The following NCSTN variants were observed in gnomAD, a reference collection of about 807,000 sequenced individuals.
The protein encoded by NCSTN is anterior pharynx-defective 2.
Under a neutral mutation model 87.0 loss-of-function variants are expected in NCSTN, and 22 were observed. The observed-to-expected ratio is 0.25, with a 90% CI of 0.18 to 0.36. The LOEUF (loss-of-function observed/expected upper bound fraction) is 0.36. Among genes scored for constraint, NCSTN ranks in the 10% least tolerant of loss-of-function variants. The pLI is 1.00. For synonymous variants in NCSTN, 306 were observed against 327.1 expected (o/e 0.94, Z 0.69); for missense variants, 693 against 883.3 (o/e 0.78, Z 2.73).
At chr1:160,344,909 G>T in intron 2 of NCSTN, 83 bp downstream of exon 2, 1 of 1,162,892 alleles carries the variant, frequency 8.6e-7, no homozygotes. Context: ...TCCTGCTTAG[G>T]AGATTTGACA....
At position 160,349,128 on chromosome 1, in the gene NCSTN, A is replaced by G. The variant is rs1434731909; in HGVS notation, c.314+6A>G. ...GAGAGCAAGCATTTTACCAGGTAAG[A>G]ACTAGATGTATCTGCTGGGAAAACA... On this transcript the variant is annotated splice_donor_region_variant and intron_variant, in intron 3 of 16. Transcript: ENST00000294785. 2 of 1,614,032 alleles carry G rather than the reference A, an allele frequency of 1.2e-6. No homozygotes were observed. The highest frequency in any genetic ancestry group is 1.7e-6 in the Non-Finnish European group (2 of 1,179,990).
In NCSTN at chr1:160,349,401, C is replaced by T. The variant is rs116556010; in HGVS notation, c.315-148C>T. 3,425 of 1,157,500 alleles carry T rather than the reference C, an allele frequency of 3.0e-3. 17 individuals are homozygous for T. The highest frequency in any genetic ancestry group is 0.023 in the Middle Eastern group (116 of 5,070). 71.7% of individuals were successfully genotyped at this position (1,157,500 alleles called of 1,614,324 possible). A position where few individuals can be genotyped will look rare whatever the true frequency, so the allele number is the denominator to read the frequency against. ...TCTACTTTTTAGAGCAGATCATTGT[C>T]CAGACTCAGAATTTAGAGACTGAAA... On this transcript the variant is annotated intron_variant, in intron 3 of 16. Transcript: ENST00000294785.
chr1:160,349,441 C>G, intron 3 of NCSTN, 108 bp from the exon 4 acceptor site: 1 of 1,436,686 alleles, frequency 7.0e-7, no homozygotes, highest in Non-Finnish European at 9.8e-7. Flanking sequence ...AGAAATAAGT[C>G]AACAGTTTGA....
At chr1:160,356,073 A>C in intron 13 of NCSTN, 115 bp downstream of exon 13, 1 of 1,129,694 alleles carries the variant, frequency 8.9e-7, no homozygotes, top group South Asian at 1.3e-5. Flanking sequence ...TGCCGGTGAG[A>C]ATGCCTCATG....
intron 11 of NCSTN, among the ~76,000 whole-genome samples, chr1:160,354,522 C>T (rs1205010829): frequency 3.9e-5 from 6 of 152,138 alleles, no homozygotes; most frequent in Non-Finnish European, 8.8e-5. Flanking sequence ...TGTCAACAAT[C>T]CTTGGTTATG....
intron 9 of NCSTN, 31 bp from the exon 10 acceptor site, chr1:160,353,129 T>G: frequency 6.2e-7 from 1 of 1,609,882 alleles, no homozygotes; most frequent in Non-Finnish European, 8.5e-7. Context: ...GGAGACTGAT[T>G]CTAAGTGTTG....
Position 160,358,347 on chromosome 1 carries a change from A to C in NCSTN, c.*76A>C. On this transcript the variant is annotated 3_prime_UTR_variant, in exon 17 of 17. Coordinates refer to ENST00000294785, the MANE Select transcript of NCSTN (RefSeq NM_015331.3). The stretch of plus-strand genomic sequence containing the variant: ...CTGTCCCACTGGGACACAACCACTA[A>C]TTTGTCACTGGAACCTCCCTGGGCC... 1 of 1,595,252 alleles carries C rather than the reference A, an allele frequency of 6.3e-7. No individual in the cohort carries two copies. Among genetic ancestry groups the C allele is most frequent in the Non-Finnish European group, 8.6e-7 (1 of 1,166,662 alleles).
chr1:160,348,943 C>T, intron 2 of NCSTN, 56 bp from the exon 3 acceptor site: 1 of 1,612,690 alleles, frequency 6.2e-7, no homozygotes, highest in Non-Finnish European at 8.5e-7. Flanking sequence ...ATCAGTGAGG[C>T]AAAGTCAGAA....
chr1:160,350,930 T>G (rs1357483795), intron 5 of NCSTN, among the ~76,000 whole-genome samples: 2 of 152,220 alleles, frequency 1.3e-5, no homozygotes, highest in Non-Finnish European at 2.9e-5. Flanking sequence ...CAGACCACAC[T>G]GAATCTTTTC....
rs763195332 is a variant in NCSTN, at chr1:160,350,242, A to G, written c.574A>G (p.Ile192Val). ...LLEDENETKVIKQCYQDHNLS... is the reference protein window; with the variant it reads ...LLEDENETKVVKQCYQDHNLS... ...TGAAGATGAAAATGAAACCAAAGTC[A>G]TCAAGCAGGTAATGACACTGCCAGC... Residue 192 changes from isoleucine to valine, a missense_variant, in exon 5 of 17, where the codon ATC becomes GTC. Around this residue, in one of 4 missense-constraint regions of NCSTN, gnomAD observed 235 missense variants for 233.9 expected, o/e 1.00. Coordinates refer to ENST00000294785, the MANE Select transcript of NCSTN (RefSeq NM_015331.3). The G allele has an allele frequency of 2.5e-6, 4 of 1,613,998 alleles. No individual in the cohort carries two copies. The Admixed American group carries it at 6.7e-5, about 27-fold the overall frequency.
Position 160,343,400 on chromosome 1 carries a change from G to A in NCSTN, c.4G>A (p.Ala2Thr). 1.2e-6 allele frequency: 2 copies of A among 1,613,098 alleles called. No homozygotes were observed. The highest frequency in any genetic ancestry group is 1.7e-6 in the Non-Finnish European group (2 of 1,179,740). The change falls in exon 1 of 17, where the codon GCT (alanine) becomes ACT (threonine). Residue 2 changes from alanine to threonine, a missense_variant. Transcript: ENST00000294785. MATAGGGSGADP... is the reference protein window; with the variant it reads MTTAGGGSGADP... ...TTCCGCTCAGCAGAGAGGCAAGATG[G>A]CTACGGCAGGGGGTGGCTCTGGGGC...
chr1:160,355,828 G>A, intron 12 of NCSTN, 35 bp from the exon 13 acceptor site: 5 of 1,604,128 alleles, frequency 3.1e-6, no homozygotes, highest in Non-Finnish European at 3.4e-6. Flanking sequence ...GGATAGGAGA[G>A]GTGGGCCATT....
In NCSTN at chr1:160,356,247, G is replaced by C. The variant is rs780011783; in HGVS notation, c.1552-13G>C. On this transcript the variant is annotated splice_polypyrimidine_tract_variant and intron_variant, in intron 13 of 16. Transcript: ENST00000294785. ...AGTCACAGGGTTTTCTCTCTTTACT[G>C]TTCCAATCCTAGGTTACCCGCCTGC... 2.6e-5 allele frequency: 41 copies of C among 1,593,796 alleles called. No individual in the cohort carries two copies. In the Middle Eastern group the frequency reaches 1.8e-3, roughly 71 times the overall value.
chr1:160,353,978 C>T lies in NCSTN; in HGVS notation c.1180-140C>T, dbSNP rs1208291500. 5.2e-6 allele frequency: 5 copies of T among 962,494 alleles called. No homozygotes were observed. The East Asian group carries it at 1.1e-4, about 20-fold the overall frequency. The allele number at this position is 962,494 out of a possible 1,614,324, so 59.6% of individuals were successfully genotyped here. A position where few individuals can be genotyped will look rare whatever the true frequency, so the allele number is the denominator to read the frequency against. On this transcript the variant is annotated intron_variant, in intron 10 of 16. Transcript: ENST00000294785. ...TTCAGAGAGCCTTGGTCCCAAAAGG[C>T]TTGAGGGATAAAGGTCTACTAGAGA... is the stretch of plus-strand genomic sequence containing the variant.
In NCSTN at chr1:160,355,904, T is replaced by C. The variant is rs779449887; in HGVS notation, c.1497T>C (p.Tyr499=). The change falls in exon 13 of 17, where the codon TAT becomes TAC. Residue 499 remains tyrosine (Y), a synonymous_variant. Transcript: ENST00000294785. ...DVATVLGRAL[Y]ELAGGTNFSD... The stretch of plus-strand genomic sequence containing the variant: ...CCACGGTGCTGGGACGTGCTCTGTA[T>C]GAGCTTGCAGGAGGAACCAACTTCA... 7 of 1,613,766 alleles carry C rather than the reference T, an allele frequency of 4.3e-6. No homozygotes were observed. The highest frequency in any genetic ancestry group is 5.1e-6 in the Non-Finnish European group (6 of 1,179,664).
intron 10 of NCSTN, 25 bp downstream of exon 10, chr1:160,353,262 T>C (rs780693730): frequency 6.2e-7 from 1 of 1,614,082 alleles, no homozygotes; most frequent in Admixed American, 1.7e-5. Flanking sequence ...TCCCCTCATT[T>C]CCTATTCCTA....
At chr1:160,349,344 C>T (rs541039537) in intron 3 of NCSTN, 69 of 929,576 alleles carry the variant, frequency 7.4e-5, no homozygotes, top group South Asian at 4.2e-4. Context: ...GCATCCCTCC[C>T]CTCCCTCCCT....
chr1:160,353,184 C>T lies in NCSTN; in HGVS notation c.1126C>T (p.Leu376Phe). The T allele has an allele frequency of 6.2e-7, 1 of 1,614,138 alleles. No homozygotes were observed. Among genetic ancestry groups the T allele is most frequent in the Non-Finnish European group, 8.5e-7 (1 of 1,180,020 alleles). ...GGTGGCCTTAAGAACTTCATTAGAG[C>T]TTTGGATGCACACAGATCCTGTTTC... is the stretch of plus-strand genomic sequence containing the variant. ...GQVALRTSLE[L>F]WMHTDPVSQK... The change falls in exon 10 of 17, where the codon CTT becomes TTT. Residue 376 changes from leucine (L) to phenylalanine (F), a missense_variant. Leu to Phe is a conservative substitution (Grantham distance 22, BLOSUM62 0). Around this residue, in one of 4 missense-constraint regions of NCSTN, gnomAD observed 108 missense variants for 111.6 expected, o/e 0.97. Coordinates refer to ENST00000294785, the MANE Select transcript of NCSTN (RefSeq NM_015331.3).
Position 160,349,400 on chromosome 1 carries a change from T to C in NCSTN, c.315-149T>C. 3 of 1,211,696 alleles carry C rather than the reference T, an allele frequency of 2.5e-6. No individual in the cohort carries two copies. In the Admixed American group the frequency reaches 5.1e-5, roughly 21 times the overall value. The allele number at this position is 1,211,696 out of a possible 1,614,324, so 75.1% of individuals were successfully genotyped here. On this transcript the variant is annotated intron_variant, in intron 3 of 16. Coordinates refer to ENST00000294785, the MANE Select transcript of NCSTN (RefSeq NM_015331.3). ...CTCTACTTTTTAGAGCAGATCATTG[T>C]CCAGACTCAGAATTTAGAGACTGAA...
Sources: gnomAD v4.1 joint callset for allele counts (sites outside exome capture counted in the v4.1 genomes callset) on GRCh38, gnomAD v4.1.1 for gene constraint, gnomAD v4.1.1 regional missense constraint, MANE v1.5 for transcripts, NCBI Gene and HGNC (gene_info 2026-07-23, HGNC 2026-07-21) for gene names.